ACSF3: variants seen among roughly 807,000 people sequenced by gnomAD.
ACSF3 encodes the protein acyl-CoA synthetase family member 3, also known as malonate--CoA ligase ACSF3, mitochondrial.
In ACSF3, 78 loss-of-function variants were observed where a neutral mutation model predicts 53.2. That is an observed-to-expected ratio of 1.47 (90% CI 1.22 to 1.77). The LOEUF is 1.77. Ranked by LOEUF, ACSF3 falls within the 40% of genes most tolerant of loss-of-function variation. The pLI is 0.00. For synonymous variants in ACSF3, 414 were observed against 333.1 expected, an observed-to-expected ratio of 1.24 and a Z score of -2.65; for missense variants, 937 against 771.1, an observed-to-expected ratio of 1.22 and a Z score of -2.55.
At chr16:89,132,120 G>A (rs1194357554) in intron 7 of ACSF3, among the ~76,000 whole-genome samples, 3 of 152,376 alleles carry the variant, frequency 2.0e-5, no homozygotes, top group South Asian at 2.1e-4. Flanking sequence ...GCGTTTGAGC[G>A]CCCTTTCTCC....
Position 89,145,255 on chromosome 16 carries a change from C to G in ACSF3, c.1367-12C>G. On this transcript the variant is annotated splice_polypyrimidine_tract_variant and intron_variant, in intron 8 of 10. Transcript: ENST00000614302. ...TAAGGATGGCCAGTTAACCAGAGCC[C>G]CTTTTCCTCAGGGGACACCGTGGTG... 1 of 1,613,990 alleles carries G rather than the reference C, an allele frequency of 6.2e-7. No homozygotes were observed. The highest frequency in any genetic ancestry group is 1.3e-5 in the African/African-American group (1 of 75,008).
intron 7 of ACSF3, chr16:89,122,508 T>C: frequency 2.7e-6 from 1 of 372,166 alleles, no homozygotes; most frequent in South Asian, 2.0e-5. Context: ...CTCAAGTCTG[T>C]GCCCTGCAGT....
At chr16:89,095,516 C>T (rs757589191) in intron 1 of ACSF3, among the ~76,000 whole-genome samples, 4 of 151,262 alleles carry the variant, frequency 2.6e-5, no homozygotes, top group East Asian at 1.9e-4. Context: ...CCCCGCAGGC[C>T]GAGCACAGCC....
At chr16:89,120,972 G>A (rs1160803478) in intron 7 of ACSF3, 59 bp downstream of exon 7, 33 of 1,454,136 alleles carry the variant, frequency 2.3e-5, no homozygotes, top group Non-Finnish European at 2.7e-5. Context: ...GCCCCCCAGG[G>A]TGGTTACACT....
rs576801165 is a variant in ACSF3 at position 89,102,528 on chromosome 16, T to C, written c.667-76T>C. ...TGGGGAGGCCCAGAGCTCCTTTCCG[T>C]GAGCCCGAGGTCTGTGTGTGCTGTT... On this transcript the variant is annotated intron_variant, in intron 3 of 10. Transcript: ENST00000614302. 2.9e-4 allele frequency: 455 copies of C among 1,576,356 alleles called. 5 individuals are homozygous for C. In the East Asian group the frequency reaches 0.01, roughly 35 times the overall value.
At chr16:89,142,660 CAGAGCCACACCTGCAGAG>C (rs1912051340) in intron 8 of ACSF3, among the ~76,000 whole-genome samples, 1 of 150,176 alleles carries the variant, frequency 6.7e-6, no homozygotes, top group East Asian at 2.0e-4. Context: ...CACCTGCAGA[CAGAGCCACACCTGCAGAG>C]ACACCCTCAC....
In ACSF3 at chr16:89,101,073, C is replaced by T. The variant is rs148768970; in HGVS notation, c.392C>T (p.Ala131Val). ...GTCCCCCTCTACAGGAAGCATCCCG[C>T]GGCCCAGCTGGAGTATGTCATCTGC... ...VAVPLYRKHP[A>V]AQLEYVICDS... The change falls in exon 3 of 11, where the codon GCG (alanine) becomes GTG (valine). Residue 131 changes from alanine (A) to valine (V), a missense_variant. By Grantham distance (64) the Ala-to-Val change is moderately conservative. Transcript: ENST00000614302. 2.6e-4 allele frequency: 424 copies of T among 1,614,020 alleles called. No homozygotes were observed. Among genetic ancestry groups the T allele is most frequent in the Non-Finnish European group, 3.4e-4 (407 of 1,179,968 alleles).
At chr16:89,119,413 G>A (rs1395525579) in intron 6 of ACSF3, among the ~76,000 whole-genome samples, 1 of 152,224 alleles carries the variant, frequency 6.6e-6, no homozygotes, top group Non-Finnish European at 1.5e-5. Flanking sequence ...TGCCAGGTCT[G>A]GGGAGGGAGG....
At chr16:89,123,410 A>T (rs1907138082) in intron 7 of ACSF3, among the ~76,000 whole-genome samples, 1 of 152,176 alleles carries the variant, frequency 6.6e-6, no homozygotes, top group African/African-American at 2.4e-5. Flanking sequence ...TCTGAGTCTC[A>T]CGCAGTAGCC....
intron 1 of ACSF3, among the ~76,000 whole-genome samples, chr16:89,096,287 C>T (rs921891560): frequency 6.6e-6 from 1 of 152,162 alleles, no homozygotes; most frequent in Non-Finnish European, 1.5e-5. Context: ...GGCAGTGTCC[C>T]TCCACACTGT....
rs1468635793 is a variant in ACSF3 at position 89,154,707 on chromosome 16, A to G, written c.*500A>G. The stretch of plus-strand genomic sequence containing the variant: ...CCCTCCTGGGAGGAGCTGAGGGTTC[A>G]CAAGCCTCCCAGAACCAGCCCTGTC... On this transcript the variant is annotated 3_prime_UTR_variant, in exon 11 of 11. Coordinates refer to ENST00000614302, the MANE Select transcript of ACSF3 (RefSeq NM_001243279.3). 1 of 454,208 alleles carries G rather than the reference A, an allele frequency of 2.2e-6. No homozygotes were observed. The highest frequency in any genetic ancestry group is 2.3e-5 in the Admixed American group (1 of 42,576). The allele number at this position is 454,208 out of a possible 1,614,324, so 28.1% of individuals were successfully genotyped here.
chr16:89,098,258 G>A (rs1480236206), intron 1 of ACSF3, among the ~76,000 whole-genome samples: 1 of 152,192 alleles, frequency 6.6e-6, no homozygotes, highest in East Asian at 1.9e-4. Context: ...CAAACTAAGA[G>A]CAGAAAACAA....
intron 7 of ACSF3, among the ~76,000 whole-genome samples, chr16:89,126,503 A>G (rs569208286): frequency 6.6e-6 from 1 of 152,296 alleles, no homozygotes; most frequent in South Asian, 2.1e-4. Flanking sequence ...TCCTGACCTC[A>G]AGTGATCTGC....
At chr16:89,136,503 T>C (rs1177047319) in intron 8 of ACSF3, 1 of 1,232,798 alleles carries the variant, frequency 8.1e-7, no homozygotes, top group Non-Finnish European at 1.0e-6. Context: ...GAGCATGATA[T>C]TAAATAGAAA....
At chr16:89,120,958 C>A in intron 7 of ACSF3, 45 bp downstream of exon 7, 2 of 1,564,422 alleles carry the variant, frequency 1.3e-6, no homozygotes, top group South Asian at 2.2e-5. Context: ...TGTGTCCAGT[C>A]TAGGCCCCCC....
chr16:89,123,063 CG>C (rs1907049672), intron 7 of ACSF3, among the ~76,000 whole-genome samples: 1 of 152,182 alleles, frequency 6.6e-6, no homozygotes, highest in South Asian at 2.1e-4. Context: ...TCTCAGCGTA[CG>C]GGGGGTTTGC....
At position 89,146,175 on chromosome 16, in the gene ACSF3, T is replaced by C. The variant is rs902307762; in HGVS notation, c.1613+126T>C. On this transcript the variant is annotated intron_variant, in intron 10 of 10. Coordinates refer to ENST00000614302, the MANE Select transcript of ACSF3 (RefSeq NM_001243279.3). ...ATGAGGGATCAAGAAAGACCAGCAG[T>C]GAGGGTCCTTAGAGACCTGAAGGCC... 3.0e-5 allele frequency: 21 copies of C among 701,664 alleles called. No homozygotes were observed. In the Middle Eastern group the frequency reaches 1.9e-3, roughly 65 times the overall value. The allele number at this position is 701,664 out of a possible 1,614,324, so 43.5% of individuals were successfully genotyped here. A position where few individuals can be genotyped will look rare whatever the true frequency, so the allele number is the denominator to read the frequency against.
At chr16:89,094,620 C>G (rs545501105) in intron 1 of ACSF3, among the ~76,000 whole-genome samples, 142 of 152,298 alleles carry the variant, frequency 9.3e-4, no homozygotes, top group African/African-American at 3.3e-3. Flanking sequence ...AGGCCAGGTG[C>G]AGTGGCTCAT....
chr16:89,133,393 G>A lies in ACSF3; in HGVS notation c.1366+131G>A. On this transcript the variant is annotated intron_variant, in intron 8 of 10. Coordinates refer to ENST00000614302, the MANE Select transcript of ACSF3 (RefSeq NM_001243279.3). ...AGCCAAAGGCAGAAGATGGGGTGGAGTGGGGCTGGGGGCCACTGTTACGGC... is the reference window on the plus strand; with the variant it reads ...AGCCAAAGGCAGAAGATGGGGTGGAATGGGGCTGGGGGCCACTGTTACGGC... The A allele has an allele frequency of 3.1e-6, 4 of 1,295,882 alleles. No homozygotes were observed. In the East Asian group the frequency reaches 7.5e-5, roughly 24 times the overall value. 80.3% of individuals were successfully genotyped at this position (1,295,882 alleles called of 1,614,324 possible).
Sources: gnomAD v4.1 joint callset for allele counts (sites outside exome capture counted in the v4.1 genomes callset) on GRCh38, gnomAD v4.1.1 for gene constraint, MANE v1.5 for transcripts, NCBI Gene and HGNC (gene_info 2026-07-23, HGNC 2026-07-21) for gene names.